Variants in MTMR1 observed in about 807,000 individuals in gnomAD.
MTMR1 encodes phosphatidylinositol-3-phosphate phosphatase MTMR1.
In MTMR1, 17 loss-of-function variants were observed where a neutral mutation model predicts 51.6. The observed-to-expected ratio is 0.33, with a 90% CI of 0.23 to 0.49. The LOEUF (loss-of-function observed/expected upper bound fraction) is 0.49, where lower values mean the gene tolerates loss of function less well. MTMR1 is among the 20% of genes least tolerant of loss of function. The pLI is 0.99. For missense variants in MTMR1, 386 were observed against 526.9 expected (o/e 0.73, Z 2.62); for synonymous variants, 201 against 205.6 (o/e 0.98, Z 0.19).
rs188481179 is a variant in MTMR1 at position 150,733,580 on chromosome X, C to A, written c.1080+850C>A. Among the ~76,000 whole-genome samples, 455 of 110,485 alleles carry A rather than the reference C, an allele frequency of 4.1e-3. 6 individuals are homozygous for A. Among genetic ancestry groups the A allele is most frequent in the African/African-American group, 0.014 (421 of 30,337 alleles). On this transcript the variant is annotated intron_variant, in intron 10 of 15. Coordinates refer to ENST00000445323, the MANE Select transcript of MTMR1 (RefSeq NM_001306144.3). ...GAGGCACGATGGCAAGTTGGTGAGACCCCTTGGCTTTGGAATCAGTTACAC... is the reference window on the plus strand; with the variant it reads ...GAGGCACGATGGCAAGTTGGTGAGAACCCTTGGCTTTGGAATCAGTTACAC...
At chrX:150,734,821 G>A (rs2042218502) in intron 10 of MTMR1, among the ~76,000 whole-genome samples, 1 of 112,244 alleles carries the variant, frequency 8.9e-6, no homozygotes, top group Admixed American at 9.5e-5. Context: ...TCTTGCATTG[G>A]TATTGCATTG....
At chrX:150,756,760 C>T (rs1239140589) in intron 15 of MTMR1, among the ~76,000 whole-genome samples, 1 of 112,369 alleles carries the variant, frequency 8.9e-6, no homozygotes, top group Non-Finnish European at 1.9e-5. Context: ...AAGTGATTCT[C>T]CTGCTCTGGC....
chrX:150,750,588 A>C, intron 13 of MTMR1, 142 bp from the exon 14 acceptor site: 1 of 409,769 alleles, frequency 2.4e-6, no homozygotes, highest in Non-Finnish European at 4.2e-6. Flanking sequence ...AACTGTAGGT[A>C]GTTGAACTTT....
chrX:150,699,437 G>C, intron 2 of MTMR1, 137 bp downstream of exon 2: 1 of 386,834 alleles, frequency 2.6e-6, no homozygotes, highest in African/African-American at 2.6e-5. Flanking sequence ...AAGGTTCTCT[G>C]TTGTTAGATC....
At position 150,750,835 on chromosome X, in the gene MTMR1, T is replaced by C. The variant is rs782697802; in HGVS notation, c.1672T>C (p.Phe558Leu). ...TFLCNCEQQRFKEDVYTKTIS... is the reference protein window; with the variant it reads ...TFLCNCEQQRLKEDVYTKTIS... ...TTTGTGCAACTGTGAACAGCAGCGA[T>C]TCAAAGAGGTGAGTATGCTGCATCC... is the stretch of plus-strand genomic sequence containing the variant. The change falls in exon 14 of 16, where the codon TTC becomes CTC. Residue 558 changes from phenylalanine to leucine, a missense_variant. Physicochemically the swap from Phe to Leu is conservative, Grantham distance 22 (BLOSUM62 0). Transcript: ENST00000445323. The C allele has an allele frequency of 6.7e-6, 8 of 1,189,367 alleles. No homozygotes were observed. The highest frequency in any genetic ancestry group is 9.1e-6 in the Non-Finnish European group (8 of 876,279).
chrX:150,708,477 T>C (rs2041194308), intron 2 of MTMR1, among the ~76,000 whole-genome samples: 1 of 111,392 alleles, frequency 9.0e-6, no homozygotes, highest in Non-Finnish European at 1.9e-5. Flanking sequence ...TATATAGTTA[T>C]ATTTCAGTTA....
intron 1 of MTMR1, among the ~76,000 whole-genome samples, chrX:150,698,216 C>T (rs1185830860): frequency 1.8e-5 from 2 of 110,131 alleles, no homozygotes; most frequent in Admixed American, 9.6e-5. Context: ...TTGCTTGAAC[C>T]CAGAAGGGCA....
chrX:150,730,071 G>A, intron 6 of MTMR1, 38 bp from the exon 7 acceptor site: 6 of 977,151 alleles, frequency 6.1e-6, no homozygotes, highest in Non-Finnish European at 8.6e-6. Flanking sequence ...GGTGCCTGAT[G>A]TATGTTGAAT....
rs782731914 is a variant in MTMR1, at chrX:150,730,174, C to T, written c.621C>T (p.Asn207=). The T allele has an allele frequency of 8.3e-7, 1 of 1,201,117 alleles. No individual in the cohort carries two copies. Among genetic ancestry groups the T allele is most frequent in the Admixed American group, 2.2e-5 (1 of 44,522 alleles). ...AGAGTAAACTAGGGATATTTGAAAA[C>T]CTCAACAAACATGCATTTCCTCTTT... is the stretch of plus-strand genomic sequence containing the variant. ...EEQSKLGIFE[N]LNKHAFPLSN... is the part of the protein sequence containing the mutation. The change falls in exon 7 of 16, where the codon AAC becomes AAT. Residue 207 remains asparagine, a synonymous_variant. Transcript: ENST00000445323.
At chrX:150,751,900 CT>C (rs1557417612) in intron 14 of MTMR1, among the ~76,000 whole-genome samples, 1 of 87,967 alleles carries the variant, frequency 1.1e-5, no homozygotes, top group African/African-American at 4.3e-5. Flanking sequence ...AAAGTATATT[CT>C]TTTTCTTTCT....
chrX:150,758,336 C>A (rs1372872701), intron 15 of MTMR1, among the ~76,000 whole-genome samples: 1 of 111,334 alleles, frequency 9.0e-6, no homozygotes, highest in East Asian at 2.8e-4. Flanking sequence ...TGCCTTGTGT[C>A]CACGCTCCAC....
At chrX:150,698,680 GCACACACA>G (rs1214335904) in intron 1 of MTMR1, among the ~76,000 whole-genome samples, 24 of 62,989 alleles carry the variant, frequency 3.8e-4, no homozygotes, top group East Asian at 9.3e-4. Context: ...ACACGCGCGC[GCACACACA>G]CACACACACA....
At chrX:150,716,033 A>T (rs782432569) in intron 3 of MTMR1, among the ~76,000 whole-genome samples, 18 of 112,576 alleles carry the variant, frequency 1.6e-4, no homozygotes, top group African/African-American at 5.5e-4. Flanking sequence ...AAAATGTTTG[A>T]TGTGGCTTGC....
chrX:150,737,722 C>T (rs958738160), intron 12 of MTMR1, among the ~76,000 whole-genome samples: 4 of 111,800 alleles, frequency 3.6e-5, no homozygotes, highest in African/African-American at 1.3e-4. Context: ...ATGCTCAATT[C>T]GGTGTCCTTT....
chrX:150,714,382 C>T (rs2041421367), intron 3 of MTMR1: 3 of 514,817 alleles, frequency 5.8e-6, no homozygotes. Flanking sequence ...CTTACTGTCT[C>T]CTTAAAAAAG....
rs188829765 is a variant in MTMR1, at chrX:150,725,060, C to A, written c.353-2155C>A. On this transcript the variant is annotated intron_variant, in intron 4 of 15. Coordinates refer to ENST00000445323, the MANE Select transcript of MTMR1 (RefSeq NM_001306144.3). ...TTTGCTTAGGATTGCCTTGGCTATT[C>A]TTTTTGGTTCCATATGAATTTTTAA... Among the ~76,000 whole-genome samples the A allele has an allele frequency of 6.0e-3, 672 of 111,093 alleles. 4 individuals are homozygous for A. The highest frequency in any genetic ancestry group is 0.021 in the African/African-American group (640 of 30,618).
At chrX:150,726,208 G>A (rs2041921365) in intron 4 of MTMR1, among the ~76,000 whole-genome samples, 1 of 111,478 alleles carries the variant, frequency 9.0e-6, no homozygotes, top group Non-Finnish European at 1.9e-5. Flanking sequence ...TTGCGCATGT[G>A]AGGAATCTAG....
intron 13 of MTMR1, among the ~76,000 whole-genome samples, chrX:150,747,173 G>C (rs2042596251): frequency 9.0e-6 from 1 of 111,035 alleles, no homozygotes; most frequent in African/African-American, 3.3e-5. Flanking sequence ...TTGGGGCCAG[G>C]TGTGGTGGCT....
At chrX:150,716,324 C>T (rs1247240364) in intron 3 of MTMR1, among the ~76,000 whole-genome samples, 5 of 112,717 alleles carry the variant, frequency 4.4e-5, no homozygotes, top group African/African-American at 9.6e-5. Context: ...AGCAGAGTTT[C>T]AAATTAAGGC....
Sources: allele counts gnomAD v4.1 joint callset (sites outside exome capture counted in the v4.1 genomes callset), GRCh38; gene constraint gnomAD v4.1.1; transcripts MANE v1.5; gene names NCBI Gene and HGNC (gene_info 2026-07-23, HGNC 2026-07-21).